CUX1: variants seen among roughly 807,000 people sequenced by gnomAD.
CUX1 encodes the protein cut like homeobox 1.
Under a neutral mutation model 158.8 loss-of-function variants are expected in CUX1, and 31 were observed. The observed-to-expected ratio is 0.20, with a 90% CI of 0.15 to 0.26. The LOEUF is 0.26. Ranked by LOEUF, CUX1 falls within the 10% of genes least tolerant of loss-of-function variation. The pLI, the probability that CUX1 is intolerant of heterozygous loss-of-function variation, is 1.00. For synonymous variants in CUX1, 879 were observed against 862.1 expected (o/e 1.02, Z -0.34); for missense variants, 1,589 against 2,014.6 (o/e 0.79, Z 4.04).
At chr7:101,917,599 G>T (rs1310654868) in intron 2 of CUX1, among the ~76,000 whole-genome samples, 1 of 151,964 alleles carries the variant, frequency 6.6e-6, no homozygotes, top group South Asian at 2.1e-4. Context: ...AAAACAGGAG[G>T]AAAAAAAGAG....
chr7:101,861,050 C>T (rs1043016647), intron 1 of CUX1, among the ~76,000 whole-genome samples: 9 of 152,060 alleles, frequency 5.9e-5, no homozygotes, highest in African/African-American at 1.9e-4. Flanking sequence ...CCCAAAGTGC[C>T]GGGTTTATAG....
intron 1 of CUX1, among the ~76,000 whole-genome samples, chr7:101,909,647 A>G (rs1803194001): frequency 6.6e-6 from 1 of 152,254 alleles, no homozygotes; most frequent in African/African-American, 2.4e-5. Flanking sequence ...AGTTTGACAG[A>G]TAATCCCCCA....
intron 2 of CUX1, among the ~76,000 whole-genome samples, chr7:101,979,907 G>T (rs60443253): frequency 0.013 from 1,967 of 152,322 alleles, 48 homozygotes; most frequent in African/African-American, 0.044. Context: ...ACCCGCCTTG[G>T]CCTCCCAAAG....
In CUX1 at chr7:101,866,281, G is replaced by T. The variant is rs191771872; in HGVS notation, c.30+48612G>T. Among the ~76,000 whole-genome samples, 1,388 of 151,660 alleles carry T rather than the reference G, an allele frequency of 9.2e-3. 10 individuals carry two copies. Among genetic ancestry groups the T allele is most frequent in the Non-Finnish European group, 0.015 (1,027 of 67,910 alleles). On this transcript the variant is annotated intron_variant, in intron 1 of 23. Coordinates refer to ENST00000292535, the MANE Select transcript of CUX1 (RefSeq NM_181552.4). The stretch of plus-strand genomic sequence containing the variant: ...GTTCGAGACCAGCTTGGCCAACATG[G>T]CGACACCCCATCTCTACTTAAAAAA...
intron 1 of CUX1, among the ~76,000 whole-genome samples, chr7:101,885,517 C>T (rs1800132416): frequency 6.6e-6 from 1 of 152,146 alleles, no homozygotes; most frequent in African/African-American, 2.4e-5. Context: ...TATGATTGCA[C>T]CACTGCTCTC....
chr7:102,226,107 A>G (rs367936370), intron 20 of CUX1, among the ~76,000 whole-genome samples: 3 of 152,316 alleles, frequency 2.0e-5, no homozygotes, highest in East Asian at 1.9e-4. Flanking sequence ...ATCAGGTTTT[A>G]TGGGCTGTTA....
intron 2 of CUX1, among the ~76,000 whole-genome samples, chr7:101,923,794 C>A (rs973014716): frequency 6.6e-6 from 1 of 152,244 alleles, no homozygotes; most frequent in Non-Finnish European, 1.5e-5. Flanking sequence ...CTGTCGGAGA[C>A]GCCTGGCTCA....
intron 8 of CUX1, among the ~76,000 whole-genome samples, chr7:102,118,906 C>T (rs2131165916): frequency 6.6e-6 from 1 of 152,206 alleles, no homozygotes; most frequent in South Asian, 2.1e-4. Flanking sequence ...CGTGCGCCAC[C>T]ACATCCAGCT....
At chr7:101,839,938 T>A (rs1157459178) in intron 1 of CUX1, among the ~76,000 whole-genome samples, 3 of 152,142 alleles carry the variant, frequency 2.0e-5, no homozygotes, top group Admixed American at 6.5e-5. Context: ...ATTTTTGTAT[T>A]TTTAGTACAG....
At chr7:101,848,630 G>A (rs1258428726) in intron 1 of CUX1, among the ~76,000 whole-genome samples, 1 of 152,084 alleles carries the variant, frequency 6.6e-6, no homozygotes, top group East Asian at 1.9e-4. Context: ...GCCCACTTTT[G>A]TGCAGAGTGA....
rs1229522814 is a variant in CUX1 at position 102,257,040 on chromosome 7, T to C, written c.*7998T>C. 1.0e-6 allele frequency: 1 copy of C among 985,326 alleles called. No individual in the cohort carries two copies. Among genetic ancestry groups the C allele is most frequent in the East Asian group, 1.1e-4 (1 of 8,828 alleles). The allele number at this position is 985,326 out of a possible 1,614,324, so 61.0% of individuals were successfully genotyped here. Reference sequence around the variant, plus strand: ...AAGGTTGGGTGTGGAGATTGCTTGCTGTGGCCCCAAGCTCAGCCAGCAGGA... The same window carrying C: ...AAGGTTGGGTGTGGAGATTGCTTGCCGTGGCCCCAAGCTCAGCCAGCAGGA... On this transcript the variant is annotated 3_prime_UTR_variant, in exon 24 of 24. Transcript: ENST00000292535.
chr7:102,178,004 T>C (rs10259866), intron 10 of CUX1, among the ~76,000 whole-genome samples: 3,285 of 152,156 alleles, frequency 0.022, 112 homozygotes, highest in African/African-American at 0.075. Flanking sequence ...GTGATTCTCC[T>C]CCTCAGCCTC....
chr7:102,134,312 G>C (rs1375273892), intron 8 of CUX1, among the ~76,000 whole-genome samples: 1 of 152,062 alleles, frequency 6.6e-6, no homozygotes, highest in Admixed American at 6.6e-5. Flanking sequence ...ACTTCAGCCT[G>C]GGCAACAGAG....
rs58793343 is a variant in CUX1 at position 101,821,671 on chromosome 7, C to CTTTTTTTTTTTTTTTTT, written c.30+4012_30+4028dup. Among the ~76,000 whole-genome samples, 400 of 51,318 alleles carry CTTTTTTTTTTTTTTTTT rather than the reference C, an allele frequency of 7.8e-3. 49 individuals carry two copies. The highest frequency in any genetic ancestry group is 9.4e-3 in the Non-Finnish European group (285 of 30,400). 33.7% of individuals were successfully genotyped at this position (51,318 alleles called of 152,430 possible). On this transcript the variant is annotated intron_variant, in intron 1 of 23. Coordinates refer to ENST00000292535, the MANE Select transcript of CUX1 (RefSeq NM_181552.4). ...CTTTTCTTTTCTTTTTTTCTTTTTT[C>CTTTTTTTTTTTTTTTTT]TTTTTTTTTTTTTTTTTTTTTTTTT...
rs1422276521 is a variant in CUX1 at position 102,257,223 on chromosome 7, C to T, written c.*8181C>T. The T allele has an allele frequency of 1.0e-6, 1 of 985,288 alleles. No homozygotes were observed. The highest frequency in any genetic ancestry group is 1.2e-6 in the Non-Finnish European group (1 of 829,940). The allele number at this position is 985,288 out of a possible 1,614,324, so 61.0% of individuals were successfully genotyped here. A position where few individuals can be genotyped will look rare whatever the true frequency, so the allele number is the denominator to read the frequency against. On this transcript the variant is annotated 3_prime_UTR_variant, in exon 24 of 24. Coordinates refer to ENST00000292535, the MANE Select transcript of CUX1 (RefSeq NM_181552.4). ...TTTCCATATCATCACCTCCCCTTCTCCAAGATTGCCGGGGGCCCTGATTTT... is the reference window on the plus strand; with the variant it reads ...TTTCCATATCATCACCTCCCCTTCTTCAAGATTGCCGGGGGCCCTGATTTT...
chr7:102,010,763 A>G (rs1201580410), intron 2 of CUX1, among the ~76,000 whole-genome samples: 21 of 152,236 alleles, frequency 1.4e-4, no homozygotes, highest in Non-Finnish European at 2.9e-5. Context: ...ACGCTAAAAG[A>G]TGCCGGTTGT....
chr7:102,183,204 G>T (rs1321881588), intron 11 of CUX1, among the ~76,000 whole-genome samples: 1 of 152,220 alleles, frequency 6.6e-6, no homozygotes, highest in Non-Finnish European at 1.5e-5. Flanking sequence ...AGTAGAGACA[G>T]GGTTTCACCA....
At chr7:102,197,915 C>T (rs1554518821) in intron 15 of CUX1, among the ~76,000 whole-genome samples, 1 of 152,120 alleles carries the variant, frequency 6.6e-6, no homozygotes, top group Non-Finnish European at 1.5e-5. Flanking sequence ...ACCCTTTCTA[C>T]CCCACCCTCC....
chr7:102,199,284 C>T (rs1296133008), intron 16 of CUX1, among the ~76,000 whole-genome samples: 1 of 152,222 alleles, frequency 6.6e-6, no homozygotes, highest in Non-Finnish European at 1.5e-5. Context: ...ATGGAACGGA[C>T]GCATCCCACA....
Sources: allele counts gnomAD v4.1 joint callset (sites outside exome capture counted in the v4.1 genomes callset), GRCh38; gene constraint gnomAD v4.1.1; transcripts MANE v1.5; gene names NCBI Gene and HGNC (gene_info 2026-07-23, HGNC 2026-07-21).